The following NBDY variants were observed in gnomAD, a reference collection of about 807,000 sequenced individuals.
The protein encoded by NBDY is P-body dissociating protein.
chrX:56,730,933 A>T (rs180708764), intron 1 of NBDY, among the ~76,000 whole-genome samples: 2 of 111,660 alleles, frequency 1.8e-5, no homozygotes, highest in Admixed American at 1.9e-4. Context: ...TCATTCGTGC[A>T]GTAAACCTTT....
At chrX:56,747,111 G>T (rs116729502) in intron 2 of NBDY, among the ~76,000 whole-genome samples, 1 of 111,968 alleles carries the variant, frequency 8.9e-6, no homozygotes, top group African/African-American at 3.2e-5. Flanking sequence ...ACCTGACACC[G>T]AGTGTGTGAT....
At chrX:56,753,879 A>T (rs1365393046) in intron 2 of NBDY, among the ~76,000 whole-genome samples, 1 of 111,427 alleles carries the variant, frequency 9.0e-6, no homozygotes, top group African/African-American at 3.3e-5. Context: ...GAAGGGACAG[A>T]AAAAAGATTG....
chrX:56,806,931 G>T (rs1014140077), intron 2 of NBDY, among the ~76,000 whole-genome samples: 5 of 112,076 alleles, frequency 4.5e-5, no homozygotes, highest in African/African-American at 6.5e-5. Flanking sequence ...TTTCTTCTAG[G>T]TTTTTTATGG....
intron 2 of NBDY, among the ~76,000 whole-genome samples, chrX:56,735,312 G>A (rs772699884): frequency 3.6e-5 from 4 of 112,383 alleles, no homozygotes; most frequent in South Asian, 3.7e-4. Flanking sequence ...TGCACACTTG[G>A]TCTCGTTTGG....
chrX:56,735,083 C>A (rs2069480237), intron 2 of NBDY, among the ~76,000 whole-genome samples: 1 of 111,939 alleles, frequency 8.9e-6, no homozygotes, highest in African/African-American at 3.3e-5. Flanking sequence ...CTGTGTGTTT[C>A]AGGTACTTTC....
chrX:56,785,042 A>C (rs1265697526), intron 2 of NBDY, among the ~76,000 whole-genome samples: 1 of 111,279 alleles, frequency 9.0e-6, no homozygotes, highest in Non-Finnish European at 1.9e-5. Flanking sequence ...CATAGGACAG[A>C]AAATTCATGC....
chrX:56,797,922 C>A (rs1051002333), intron 2 of NBDY, among the ~76,000 whole-genome samples: 1 of 112,163 alleles, frequency 8.9e-6, no homozygotes, highest in Non-Finnish European at 1.9e-5. Flanking sequence ...CATGCAGACA[C>A]ACACACGCAG....
intron 2 of NBDY, among the ~76,000 whole-genome samples, chrX:56,750,457 C>T (rs958300052): frequency 6.0e-5 from 4 of 66,609 alleles, no homozygotes; most frequent in Non-Finnish European, 8.5e-5. Context: ...ACCCACTGTC[C>T]TGGGTTAAAT....
chrX:56,732,391 T>G (rs764177010), intron 2 of NBDY, among the ~76,000 whole-genome samples, 192 bp downstream of exon 2: 7 of 112,147 alleles, frequency 6.2e-5, no homozygotes, highest in South Asian at 7.3e-4. Flanking sequence ...TAGATTCACT[T>G]GTACTTATAG....
chrX:56,811,887 G>A (rs1005425085), intron 2 of NBDY, among the ~76,000 whole-genome samples: 1 of 112,314 alleles, frequency 8.9e-6, no homozygotes, highest in African/African-American at 3.2e-5. Context: ...GGCCCTGGTG[G>A]CATGGGCACT....
intron 2 of NBDY, among the ~76,000 whole-genome samples, chrX:56,817,088 G>A (rs776822085): frequency 9.0e-6 from 1 of 111,346 alleles, no homozygotes; most frequent in East Asian, 2.8e-4. Flanking sequence ...CCACCTAACA[G>A]ATAAATTATT....
rs777956790 is a variant in NBDY, at chrX:56,749,641, C to T, written c.*166+17442C>T. Among the ~76,000 whole-genome samples, 16 of 82,740 alleles carry T rather than the reference C, an allele frequency of 1.9e-4. No individual in the cohort carries two copies. The South Asian group carries it at 0.012, about 64-fold the overall frequency. 71.8% of individuals were successfully genotyped at this position (82,740 alleles called of 115,157 possible). On this transcript the variant is annotated intron_variant, in intron 2 of 2. Coordinates refer to ENST00000374922, the MANE Select transcript of NBDY (RefSeq NM_001348129.2). ...ATTGTCTTCTAGTGTTGTCATGTCC[C>T]CACATTTGCATCCTTTTTTTTTTTT...
rs753460797 is a variant in NBDY, at chrX:56,757,852, T to C, written c.*166+25653T>C. 1.7e-4 allele frequency among the ~76,000 whole-genome samples: 19 copies of C among 110,754 alleles called. No homozygotes were observed. The East Asian group carries it at 5.2e-3, about 30-fold the overall frequency. On this transcript the variant is annotated intron_variant, in intron 2 of 2. Transcript: ENST00000374922. ...TACAACCACTGGGGCTGTAGTATGGTGAGGGGAGCTTGTATTTCCGGGAAA... is the reference window on the plus strand; with the variant it reads ...TACAACCACTGGGGCTGTAGTATGGCGAGGGGAGCTTGTATTTCCGGGAAA...
chrX:56,817,483 C>A lies in NBDY; in HGVS notation c.*330C>A, dbSNP rs1301013776. On this transcript the variant is annotated 3_prime_UTR_variant, in exon 3 of 3. Coordinates refer to ENST00000374922, the MANE Select transcript of NBDY (RefSeq NM_001348129.2). Reference sequence around the variant, plus strand: ...GTGAGATGGTCCTGCAGCAGCCAACCAGTGAACTCTTTTGGTGACATCCTG... The same window carrying A: ...GTGAGATGGTCCTGCAGCAGCCAACAAGTGAACTCTTTTGGTGACATCCTG... The A allele has an allele frequency of 1.8e-5, 2 of 111,964 alleles. No homozygotes were observed. Among genetic ancestry groups the A allele is most frequent in the African/African-American group, 6.5e-5 (2 of 30,865 alleles). The allele number at this position is 111,964 out of a possible 1,213,427, so 9.2% of individuals were successfully genotyped here. A position where few individuals can be genotyped will look rare whatever the true frequency, so the allele number is the denominator to read the frequency against.
At chrX:56,744,533 T>C (rs1331358873) in intron 2 of NBDY, among the ~76,000 whole-genome samples, 1 of 111,794 alleles carries the variant, frequency 8.9e-6, no homozygotes, top group African/African-American at 3.2e-5. Flanking sequence ...TGCCAAAAAA[T>C]CAATGCATTG....
At chrX:56,806,975 T>A (rs150489456) in intron 2 of NBDY, among the ~76,000 whole-genome samples, 138 of 112,282 alleles carry the variant, frequency 1.2e-3, no homozygotes, top group African/African-American at 4.4e-3. Flanking sequence ...TTAATCCATC[T>A]TGAGTTAATT....
At chrX:56,814,862 T>A (rs767843718) in intron 2 of NBDY, among the ~76,000 whole-genome samples, 4 of 110,973 alleles carry the variant, frequency 3.6e-5, no homozygotes, top group South Asian at 3.8e-4. Flanking sequence ...TTTTTTTTTT[T>A]AATTTGATCA....
chrX:56,736,531 G>T (rs774185158), intron 2 of NBDY, among the ~76,000 whole-genome samples: 15 of 112,310 alleles, frequency 1.3e-4, no homozygotes, highest in African/African-American at 4.9e-4. Context: ...CTCCCAAAGT[G>T]CTGGGACCAC....
chrX:56,787,574 C>T (rs193022307), intron 2 of NBDY, among the ~76,000 whole-genome samples: 1 of 112,205 alleles, frequency 8.9e-6, no homozygotes, highest in East Asian at 2.8e-4. Flanking sequence ...GCCCAAGCAG[C>T]AGGTGTGAAA....
Sources: gnomAD v4.1 joint callset for allele counts (sites outside exome capture counted in the v4.1 genomes callset) on GRCh38, gnomAD v4.1.1 for gene constraint, MANE v1.5 for transcripts, NCBI Gene and HGNC (gene_info 2026-07-23, HGNC 2026-07-21) for gene names.